The following PACRGL variants were observed in gnomAD, a reference collection of about 807,000 sequenced individuals.
The protein encoded by PACRGL is parkin coregulated like, also known as PACRG-like protein.
A neutral mutation model predicts 34.5 loss-of-function variants in PACRGL; 38 were observed. The observed-to-expected ratio is 1.10, with a 90% CI of 0.85 to 1.44. The LOEUF (loss-of-function observed/expected upper bound fraction) is 1.44. Ranked by LOEUF, PACRGL falls within the 40% of genes most tolerant of loss-of-function variation. The probability of loss-of-function intolerance (pLI) is 0.00; values close to 1 mark genes in which losing one functional copy is unlikely to be tolerated. For synonymous variants in PACRGL, 128 were observed against 100.1 expected (o/e 1.28, Z -1.66); for missense variants, 305 against 281.4 (o/e 1.08, Z -0.60).
At chr4:20,753,828 C>G (rs1172347002), downstream of PACRGL, among the ~76,000 whole-genome samples, 1 of 152,152 alleles carries the variant, frequency 6.6e-6, no homozygotes, top group African/African-American at 2.4e-5. Context: ...CTACAGAACT[C>G]ATCTGACTCA....
upstream of PACRGL, among the ~76,000 whole-genome samples, chr4:20,697,521 A>T (rs1301761982): frequency 6.6e-6 from 1 of 152,190 alleles, no homozygotes; most frequent in East Asian, 1.9e-4. Context: ...AATTTGAAGA[A>T]ATTTTATTTA....
At chr4:20,739,379 A>C (rs1750506401) in intron 8 of PACRGL, among the ~76,000 whole-genome samples, 2 of 152,098 alleles carry the variant, frequency 1.3e-5, no homozygotes, top group Admixed American at 1.3e-4. Context: ...CTCTAAGACA[A>C]AGCTTCCAGA....
At chr4:20,732,929 C>A, downstream of PACRGL, 3 of 574,462 alleles carry the variant, frequency 5.2e-6, no homozygotes, top group Non-Finnish European at 9.2e-6. Flanking sequence ...GTTGGTTGTC[C>A]CAAAGGAAAA....
At position 20,730,073 on chromosome 4, in the gene PACRGL, T is replaced by TTTGACAAGTTAAATCACATTTTCAA. The variant is rs1747601909; in HGVS notation, c.*2733_*2757dup. ...ATTTGTCTGTTGGATTCAGGATCTA[T>TTTGACAAGTTAAATCACATTTTCAA]TTGACAAGTTAAATCACATTTTCAA... On this transcript the variant is annotated 3_prime_UTR_variant, in exon 9 of 9. Coordinates refer to ENST00000503585, the MANE Select transcript of PACRGL (RefSeq NM_001258345.3). 6.2e-7 allele frequency: 1 copy of TTTGACAAGTTAAATCACATTTTCAA among 1,607,018 alleles called. No individual in the cohort carries two copies. Among genetic ancestry groups the TTTGACAAGTTAAATCACATTTTCAA allele is most frequent in the African/African-American group, 1.3e-5 (1 of 74,674 alleles).
chr4:20,707,021 A>C (rs1734796195), intron 3 of PACRGL, among the ~76,000 whole-genome samples: 1 of 152,236 alleles, frequency 6.6e-6, no homozygotes, highest in African/African-American at 2.4e-5. Context: ...GACTTAAAAA[A>C]AATTATCTAG....
intron 7 of PACRGL, among the ~76,000 whole-genome samples, chr4:20,717,094 C>T (rs1029165819): frequency 3.9e-5 from 6 of 152,128 alleles, no homozygotes; most frequent in African/African-American, 9.7e-5. Context: ...TGATGATGAG[C>T]ATTTTTTCAT....
chr4:20,726,698 T>C (rs1012679475), intron 8 of PACRGL, among the ~76,000 whole-genome samples: 6 of 152,212 alleles, frequency 3.9e-5, no homozygotes, highest in African/African-American at 1.2e-4. Context: ...ACTATTCAAC[T>C]TTTGGATACA....
In PACRGL at chr4:20,729,808, T is replaced by TAAAACTATATGCCA. The variant is rs1747479890; in HGVS notation, c.*2468_*2481dup. On this transcript the variant is annotated 3_prime_UTR_variant, in exon 9 of 9. Transcript: ENST00000503585. ...AATAATCCCATGGCTAAGGAACCAATAAAACTATATGCCAGATTCTATTAC... is the reference window on the plus strand; with the variant it reads ...AATAATCCCATGGCTAAGGAACCAATAAAACTATATGCCAAAAACTATATGCCAGATTCTATTAC... The TAAAACTATATGCCA allele has an allele frequency of 9.2e-6, 3 of 325,292 alleles. No homozygotes were observed. In the East Asian group the frequency reaches 1.5e-4, roughly 16 times the overall value. The allele number at this position is 325,292 out of a possible 1,614,324, so 20.2% of individuals were successfully genotyped here.
intron 8 of PACRGL, among the ~76,000 whole-genome samples, chr4:20,742,902 G>C (rs762562073): frequency 6.6e-6 from 1 of 151,958 alleles, no homozygotes; most frequent in Non-Finnish European, 1.5e-5. Context: ...AAAAATCACA[G>C]GCATTCCTAT....
chr4:20,745,266 T>C (rs576086090), intron 8 of PACRGL, among the ~76,000 whole-genome samples: 1 of 152,282 alleles, frequency 6.6e-6, no homozygotes, highest in South Asian at 2.1e-4. Flanking sequence ...AACAAAAGTA[T>C]CCTGATTCAC....
chr4:20,761,243 T>C, the PACRGL span, among the ~76,000 whole-genome samples: 1 of 152,178 alleles, frequency 6.6e-6, no homozygotes, highest in Non-Finnish European at 1.5e-5. Context: ...TCATTAGATA[T>C]CAAGCTGGCC....
intron 5 of PACRGL, among the ~76,000 whole-genome samples, chr4:20,710,729 C>A (rs952242470): frequency 5.3e-5 from 8 of 152,146 alleles, no homozygotes; most frequent in African/African-American, 1.9e-4. Flanking sequence ...ACATCAAAAT[C>A]TCTGGTTCCT....
At chr4:20,738,231 C>T (rs1750175684) in intron 8 of PACRGL, among the ~76,000 whole-genome samples, 1 of 152,000 alleles carries the variant, frequency 6.6e-6, no homozygotes, top group Non-Finnish European at 1.5e-5. Flanking sequence ...TTTTGAAAGG[C>T]TAGATGAGAT....
chr4:20,759,565 A>G, the PACRGL span, among the ~76,000 whole-genome samples: 1 of 152,028 alleles, frequency 6.6e-6, no homozygotes, highest in African/African-American at 2.4e-5. Context: ...TGGGAACTAC[A>G]CCCATGTTGG....
At position 20,730,121 on chromosome 4, in the gene PACRGL, G is replaced by GTTTTCATCCTGTAA; in HGVS notation, c.*2781_*2794dup. On this transcript the variant is annotated 3_prime_UTR_variant, in exon 9 of 9. Coordinates refer to ENST00000503585, the MANE Select transcript of PACRGL (RefSeq NM_001258345.3). The stretch of plus-strand genomic sequence containing the variant: ...CAAAGAGCTGCATGGAGCGCATTAT[G>GTTTTCATCCTGTAA]TTTTCATCCTGTAAGGGAGAAACAC... 6.2e-7 allele frequency: 1 copy of GTTTTCATCCTGTAA among 1,607,730 alleles called. No individual in the cohort carries two copies. Among genetic ancestry groups the GTTTTCATCCTGTAA allele is most frequent in the Non-Finnish European group, 8.5e-7 (1 of 1,177,784 alleles).
the PACRGL span, among the ~76,000 whole-genome samples, chr4:20,760,286 T>C: frequency 5.3e-5 from 8 of 152,150 alleles, no homozygotes; most frequent in Non-Finnish European, 8.8e-5. Flanking sequence ...GAAGGATGAA[T>C]GGTGTGCTAA....
chr4:20,747,133 A>G (rs1340949801), intron 8 of PACRGL, among the ~76,000 whole-genome samples: 3 of 152,188 alleles, frequency 2.0e-5, no homozygotes, highest in Non-Finnish European at 2.9e-5. Context: ...GTTCATTGCA[A>G]TTACTGGTAT....
chr4:20,713,146 A>G (rs12331962), intron 6 of PACRGL: 55,886 of 545,650 alleles, frequency 0.1, 3,546 homozygotes, highest in South Asian at 0.18. Flanking sequence ...AAAAAGGGAC[A>G]TTTTAAGTAA....
chr4:20,698,635 C>T (rs776621802), upstream of PACRGL, among the ~76,000 whole-genome samples: 1 of 152,158 alleles, frequency 6.6e-6, no homozygotes, highest in African/African-American at 2.4e-5. Context: ...TGCCAAGGAG[C>T]ATGTTTTCTG....
Sources: gnomAD v4.1 joint callset for allele counts (sites outside exome capture counted in the v4.1 genomes callset) on GRCh38, gnomAD v4.1.1 for gene constraint, MANE v1.5 for transcripts, NCBI Gene and HGNC (gene_info 2026-07-23, HGNC 2026-07-21) for gene names.